The following EIF4ENIF1 variants were observed in gnomAD, a reference collection of about 807,000 sequenced individuals.
EIF4ENIF1 encodes the protein eukaryotic translation initiation factor 4E nuclear import factor 1.
In EIF4ENIF1, 23 loss-of-function variants were observed where a neutral mutation model predicts 110.5. The ratio of observed to expected loss-of-function variants is 0.21; its 90% CI spans 0.15 to 0.29. EIF4ENIF1 has a LOEUF of 0.29. EIF4ENIF1 is among the 10% of genes least tolerant of loss of function. The pLI is 1.00. For synonymous variants in EIF4ENIF1, 440 were observed against 437.0 expected, an observed-to-expected ratio of 1.01 and a Z score of -0.09; for missense variants, 1,031 against 1,221.1, an observed-to-expected ratio of 0.84 and a Z score of 2.32.
intron 18 of EIF4ENIF1, 87 bp from the exon 19 acceptor site, chr22:31,440,208 G>C: frequency 6.3e-7 from 1 of 1,583,542 alleles, no homozygotes; most frequent in East Asian, 2.2e-5. Context: ...CCAAAGAAAA[G>C]TCTTTACTAG....
At chr22:31,448,107 G>A (rs371693702) in intron 13 of EIF4ENIF1, 46 bp downstream of exon 13, 5 of 1,599,824 alleles carry the variant, frequency 3.1e-6, no homozygotes, top group Non-Finnish European at 4.3e-6. Context: ...GCACCAAGAG[G>A]GTGAAGGGCA....
rs755003528 is a variant in EIF4ENIF1, at chr22:31,444,660, G to A, written c.2019C>T (p.Pro673=). ...RQQRVTKSPA[P]VHRGNSSSPA... ...GGGAAGAGGAATTCCCTCGATGCACGGGTGCTGGTGACTTGGTCACTCGCT... is the reference window on the plus strand; with the variant it reads ...GGGAAGAGGAATTCCCTCGATGCACAGGTGCTGGTGACTTGGTCACTCGCT... The change falls in exon 15 of 19, where the codon CCC becomes CCT. Residue 673 remains proline (P), a synonymous_variant. Coordinates refer to ENST00000330125, the MANE Select transcript of EIF4ENIF1 (RefSeq NM_019843.4). 7.4e-6 allele frequency: 12 copies of A among 1,613,954 alleles called. No homozygotes were observed. Among genetic ancestry groups the A allele is most frequent in the Middle Eastern group, 1.6e-4 (1 of 6,084 alleles).
upstream of EIF4ENIF1, among the ~76,000 whole-genome samples, chr22:31,492,495 T>C (rs780107478): frequency 5.9e-5 from 9 of 152,206 alleles, no homozygotes; most frequent in Non-Finnish European, 8.8e-5. Flanking sequence ...ACTTTTCCAC[T>C]AGGCTCCTTT....
chr22:31,462,792 A>T, intron 6 of EIF4ENIF1, 140 bp downstream of exon 6: 1 of 782,826 alleles, frequency 1.3e-6, no homozygotes, highest in Non-Finnish European at 2.0e-6. Flanking sequence ...CATGTTGGCC[A>T]GGCTGGTCTC....
At chr22:31,480,319 C>T (rs577115146) in intron 2 of EIF4ENIF1, among the ~76,000 whole-genome samples, 3 of 152,312 alleles carry the variant, frequency 2.0e-5, no homozygotes, top group Non-Finnish European at 4.4e-5. Flanking sequence ...TGAATCTCAA[C>T]AAAAGCCCAA....
chr22:31,490,796 G>A (rs2052250762), upstream of EIF4ENIF1, among the ~76,000 whole-genome samples: 1 of 152,132 alleles, frequency 6.6e-6, no homozygotes, highest in South Asian at 2.1e-4. Context: ...GCGCAGCGTT[G>A]GTGTGAAGCG....
chr22:31,492,957 C>A (rs2052296937), upstream of EIF4ENIF1, among the ~76,000 whole-genome samples: 1 of 151,910 alleles, frequency 6.6e-6, no homozygotes, highest in Non-Finnish European at 1.5e-5. Context: ...GTCTCAAACT[C>A]CTGACCTCAT....
At chr22:31,469,961 C>T (rs1471890686) in intron 3 of EIF4ENIF1, among the ~76,000 whole-genome samples, 7 of 151,970 alleles carry the variant, frequency 4.6e-5, no homozygotes, top group African/African-American at 9.6e-5. Context: ...GTCAGGAGTT[C>T]GAGACCAGCC....
chr22:31,462,771 C>T (rs975378269), intron 6 of EIF4ENIF1, among the ~76,000 whole-genome samples, 161 bp downstream of exon 6: 20 of 152,050 alleles, frequency 1.3e-4, no homozygotes, highest in African/African-American at 4.1e-4. Flanking sequence ...TTTGTGGAGA[C>T]GGGGTTTCAC....
At position 31,488,287 on chromosome 22, in the gene EIF4ENIF1, G is replaced by A. The variant is rs539765980; in HGVS notation, c.96+336C>T. 3.3e-5 allele frequency among the ~76,000 whole-genome samples: 5 copies of A among 152,218 alleles called. No homozygotes were observed. In the East Asian group the frequency reaches 9.7e-4, roughly 29 times the overall value. On this transcript the variant is annotated intron_variant, in intron 2 of 18. Transcript: ENST00000330125. ...GACACTAACTTTGTAACGCATCCTA[G>A]GGCTTTAATCCTCACAGTACAGTAT...
chr22:31,458,663 C>A lies in EIF4ENIF1; in HGVS notation c.788-13G>T, dbSNP rs1481263798. The A allele has an allele frequency of 6.4e-7, 1 of 1,564,466 alleles. No homozygotes were observed. Among genetic ancestry groups the A allele is most frequent in the South Asian group, 1.2e-5 (1 of 86,398 alleles). On this transcript the variant is annotated splice_polypyrimidine_tract_variant and intron_variant, in intron 6 of 18. Coordinates refer to ENST00000330125, the MANE Select transcript of EIF4ENIF1 (RefSeq NM_019843.4). Reference sequence around the variant, plus strand: ...CACTCTACTATACCTGAAAGCAAAACCAGGACAAAAACCGTCTGATAAGTA... The same window carrying A: ...CACTCTACTATACCTGAAAGCAAAAACAGGACAAAAACCGTCTGATAAGTA...
At position 31,439,722 on chromosome 22, in the gene EIF4ENIF1, TCCATCATAATGCGGACCACA is replaced by T; in HGVS notation, c.*138_*157del. 1.0e-6 allele frequency: 1 copy of T among 1,003,422 alleles called. No individual in the cohort carries two copies. Among genetic ancestry groups the T allele is most frequent in the South Asian group, 1.7e-5 (1 of 58,810 alleles). The allele number at this position is 1,003,422 out of a possible 1,614,324, so 62.2% of individuals were successfully genotyped here. A position where few individuals can be genotyped will look rare whatever the true frequency, so the allele number is the denominator to read the frequency against. On this transcript the variant is annotated 3_prime_UTR_variant, in exon 19 of 19. Coordinates refer to ENST00000330125, the MANE Select transcript of EIF4ENIF1 (RefSeq NM_019843.4). ...ACTCCACTCGACTGGTTAAGATCCT[TCCATCATAATGCGGACCACA>T]CCAGATGCATGGGTTCCACCAAACA...
intron 16 of EIF4ENIF1, among the ~76,000 whole-genome samples, chr22:31,442,403 G>A (rs1029476223): frequency 2.0e-5 from 3 of 152,152 alleles, no homozygotes; most frequent in Non-Finnish European, 4.4e-5. Flanking sequence ...AACCCAAACT[G>A]TCTTAATAGT....
At position 31,463,863 on chromosome 22, in the gene EIF4ENIF1, G is replaced by A. The variant is rs527699848; in HGVS notation, c.403C>T (p.Arg135Cys). The A allele has an allele frequency of 8.1e-6, 13 of 1,614,070 alleles. No homozygotes were observed. Among genetic ancestry groups the A allele is most frequent in the Admixed American group, 3.3e-5 (2 of 60,006 alleles). The change falls in exon 5 of 19, where the codon CGC becomes TGC. Residue 135 changes from arginine to cysteine, a missense_variant. By Grantham distance (180) the Arg-to-Cys change is radical. This residue lies in a region of EIF4ENIF1 where 704 missense variants were observed against 879.7 expected (regional missense o/e 0.80). Transcript: ENST00000330125. Reference protein sequence around the residue: ...CHVTAAVSSRRSGSPLEKDSD... With the variant: ...CHVTAAVSSRCSGSPLEKDSD... ...TCTTTCTCTAATGGACTTCCTGAGC[G>A]CCGGGAGCTAACAGCGGCTGTCACG...
chr22:31,442,539 C>T (rs2050334890), intron 16 of EIF4ENIF1, among the ~76,000 whole-genome samples: 1 of 152,194 alleles, frequency 6.6e-6, no homozygotes, highest in Non-Finnish European at 1.5e-5. Flanking sequence ...CCACGTCCTT[C>T]ACAATCCCTA....
intron 3 of EIF4ENIF1, among the ~76,000 whole-genome samples, chr22:31,471,470 A>G (rs2051376890): frequency 6.6e-6 from 1 of 152,036 alleles, no homozygotes; most frequent in South Asian, 2.1e-4. Context: ...GCACGCCACC[A>G]CGCCTGGCTA....
At chr22:31,444,304 C>T (rs932404738) in intron 15 of EIF4ENIF1, 5 of 286,562 alleles carry the variant, frequency 1.7e-5, no homozygotes, top group Admixed American at 4.4e-5. Flanking sequence ...CTCTCACTAT[C>T]GTCCTCCTGT....
At position 31,454,166 on chromosome 22, in the gene EIF4ENIF1, A is replaced by C. The variant is rs2050751735; in HGVS notation, c.1490T>G (p.Leu497Trp). The C allele has an allele frequency of 1.9e-6, 3 of 1,614,218 alleles. No individual in the cohort carries two copies. In the East Asian group the frequency reaches 6.7e-5, roughly 36 times the overall value. Reference protein sequence around the residue: ...LVSTMKASGTLPSQPKVSRNL... With the variant: ...LVSTMKASGTWPSQPKVSRNL... ...TACGCTGACTTTGGGCTGAGAAGGC[A>C]AAGTCCCACTTGCCTTCATTGTGCT... Residue 497 changes from leucine to tryptophan, a missense_variant, in exon 10 of 19, where the codon TTG becomes TGG. Leu to Trp is a moderately conservative substitution (Grantham distance 61). This residue lies in a region of EIF4ENIF1 where 704 missense variants were observed against 879.7 expected (regional missense o/e 0.80). Transcript: ENST00000330125.
intron 2 of EIF4ENIF1, among the ~76,000 whole-genome samples, chr22:31,486,032 AGGT>A (rs2052008119): frequency 7.2e-6 from 1 of 139,164 alleles, no homozygotes; most frequent in Non-Finnish European, 1.6e-5. Context: ...GGATCACCTG[AGGT>A]CAGGAGTTCG....
Sources: allele counts gnomAD v4.1 joint callset (sites outside exome capture counted in the v4.1 genomes callset), GRCh38; gene constraint gnomAD v4.1.1; regional missense constraint gnomAD v4.1.1; transcripts MANE v1.5; gene names NCBI Gene and HGNC (gene_info 2026-07-23, HGNC 2026-07-21).